Variants in LPP observed in about 807,000 individuals in gnomAD.
LPP encodes the protein LIM domain containing preferred translocation partner in lipoma, also known as lipoma-preferred partner.
Under a neutral mutation model 60.4 loss-of-function variants are expected in LPP, and 38 were observed. The ratio of observed to expected loss-of-function variants is 0.63; its 90% CI spans 0.49 to 0.83. LPP has a LOEUF of 0.83. Among genes scored for constraint, LPP ranks in the 40% least tolerant of loss-of-function variants. The pLI, the probability that LPP is intolerant of heterozygous loss-of-function variation, is 0.00. For missense variants in LPP, 902 were observed against 783.6 expected, an observed-to-expected ratio of 1.15 and a Z score of -1.80; for synonymous variants, 328 against 290.8, an observed-to-expected ratio of 1.13 and a Z score of -1.30.
At chr3:188,247,281 G>A (rs1316417951) in intron 2 of LPP, 1 of 525,046 alleles carries the variant, frequency 1.9e-6, no homozygotes, top group Non-Finnish European at 2.4e-6. Flanking sequence ...AAAACGCTGA[G>A]GCTATTTTTA....
Position 188,438,685 on chromosome 3 carries a change from T to C in LPP, c.193+32372T>C, listed in dbSNP as rs9864827. Among the ~76,000 whole-genome samples, 1,301 of 152,302 alleles carry C rather than the reference T, an allele frequency of 8.5e-3. 6 individuals carry two copies. The highest frequency in any genetic ancestry group is 0.014 in the Non-Finnish European group (957 of 68,030). On this transcript the variant is annotated intron_variant, in intron 4 of 11. Coordinates refer to ENST00000617246, the MANE Select transcript of LPP (RefSeq NM_001375462.1). ...CTTATTAGGCAGACCTAAGGTTTTT[T>C]ACACTTCCTGAGGCTATAGAACAGA... is the stretch of plus-strand genomic sequence containing the variant.
intron 7 of LPP, among the ~76,000 whole-genome samples, chr3:188,704,828 C>T (rs558980281): frequency 3.4e-4 from 52 of 152,164 alleles, no homozygotes; most frequent in African/African-American, 9.2e-4. Flanking sequence ...GACTTGTCCA[C>T]GTTCTTACCC....
At position 188,625,656 on chromosome 3, in the gene LPP, CT is replaced by C. The variant is rs1846701439; in HGVS notation, c.1113+15813del. Reference sequence around the variant, plus strand: ...CTTGAAATCATAGTTTCCAACTTTTCTGCCTATAGAATGCCCATTTCCAGTT... The same window carrying C: ...CTTGAAATCATAGTTTCCAACTTTTCGCCTATAGAATGCCCATTTCCAGTT... On this transcript the variant is annotated intron_variant, in intron 7 of 11. Coordinates refer to ENST00000617246, the MANE Select transcript of LPP (RefSeq NM_001375462.1). Among the ~76,000 whole-genome samples, 3 of 152,254 alleles carry C rather than the reference CT, an allele frequency of 2.0e-5. No homozygotes were observed. The South Asian group carries it at 6.2e-4, about 32-fold the overall frequency.
chr3:188,887,093 C>T lies in LPP; in HGVS notation c.*12614C>T, dbSNP rs775070838. On this transcript the variant is annotated 3_prime_UTR_variant, in exon 12 of 12. Coordinates refer to ENST00000617246, the MANE Select transcript of LPP (RefSeq NM_001375462.1). ...GTATGGTGCCTGCTGTGCTTTATCC[C>T]GAGGCATAGCAGTAATCGTTACTAT... The T allele has an allele frequency of 4.8e-5, 11 of 229,082 alleles. No homozygotes were observed. Among genetic ancestry groups the T allele is most frequent in the African/African-American group, 8.9e-5 (4 of 45,040 alleles). The allele number at this position is 229,082 out of a possible 1,614,324, so 14.2% of individuals were successfully genotyped here.
At chr3:188,344,619 T>A (rs139279971) in intron 3 of LPP, among the ~76,000 whole-genome samples, 1 of 152,348 alleles carries the variant, frequency 6.6e-6, no homozygotes, top group East Asian at 1.9e-4. Context: ...TGGTGCCATG[T>A]TTCCAAAATC....
intron 4 of LPP, among the ~76,000 whole-genome samples, chr3:188,482,865 TA>T (rs1250168354): frequency 6.6e-6 from 1 of 152,130 alleles, no homozygotes; most frequent in African/African-American, 2.4e-5. Flanking sequence ...CAGTGGTTAT[TA>T]AAGTGTGCTG....
chr3:188,577,744 T>TTCCTTCCTTC (rs1560587330), intron 6 of LPP, among the ~76,000 whole-genome samples: 2 of 41,428 alleles, frequency 4.8e-5, no homozygotes, highest in Non-Finnish European at 1.5e-4. Context: ...TTCCTTCCTT[T>TTCCTTCCTTC]GTTCCTTCGT....
At chr3:188,241,196 C>T (rs188775563) in intron 2 of LPP, among the ~76,000 whole-genome samples, 1 of 152,302 alleles carries the variant, frequency 6.6e-6, no homozygotes, top group African/African-American at 2.4e-5. Flanking sequence ...ATGGATAGAA[C>T]TACTGATATA....
chr3:188,655,341 A>G (rs112174420), intron 7 of LPP, among the ~76,000 whole-genome samples: 3 of 152,320 alleles, frequency 2.0e-5, no homozygotes, highest in African/African-American at 4.8e-5. Context: ...ATCAGGGTCA[A>G]GATGAGGGAA....
chr3:188,333,942 A>T (rs1760848239), intron 2 of LPP, among the ~76,000 whole-genome samples: 1 of 152,126 alleles, frequency 6.6e-6, no homozygotes, highest in Non-Finnish European at 1.5e-5. Flanking sequence ...AATTATAGTG[A>T]TTCTATAGTG....
rs754274436 is a variant in LPP at position 188,879,980 on chromosome 3, A to T, written c.*5501A>T. 6 of 177,482 alleles carry T rather than the reference A, an allele frequency of 3.4e-5. No individual in the cohort carries two copies. The highest frequency in any genetic ancestry group is 1.4e-4 in the African/African-American group (6 of 42,022). 11.0% of individuals were successfully genotyped at this position (177,482 alleles called of 1,614,324 possible). The stretch of plus-strand genomic sequence containing the variant: ...GGACTCTATCTTAGTTACAACATGC[A>T]TGTCCCTTATTTTGTGGAGAGCTGT... On this transcript the variant is annotated 3_prime_UTR_variant, in exon 12 of 12. Coordinates refer to ENST00000617246, the MANE Select transcript of LPP (RefSeq NM_001375462.1).
chr3:188,799,309 T>C (rs1483449617), intron 9 of LPP, among the ~76,000 whole-genome samples: 1 of 152,248 alleles, frequency 6.6e-6, no homozygotes, highest in Non-Finnish European at 1.5e-5. Flanking sequence ...TTTTAATACC[T>C]GTTTAACCTT....
intron 7 of LPP, among the ~76,000 whole-genome samples, chr3:188,688,019 A>G (rs564358506): frequency 6.1e-4 from 92 of 152,006 alleles, no homozygotes; most frequent in African/African-American, 2.1e-3. Context: ...TTTTTTTGAA[A>G]CACAATTCTT....
At chr3:188,694,711 T>TAAAAAAAAAAAAAAAAAAAAAAAAAAA (rs1273864312) in intron 7 of LPP, among the ~76,000 whole-genome samples, 1 of 149,802 alleles carries the variant, frequency 6.7e-6, no homozygotes, top group Non-Finnish European at 1.5e-5. Flanking sequence ...AAAAAAAAAA[T>TAAAAAAAAAAAAAAAAAAAAAAAAAAA]AAATAAAAAC....
chr3:188,407,788 G>GTTTTTTTTTTTTTTTTTT (rs869082030), intron 4 of LPP, among the ~76,000 whole-genome samples: 1 of 107,596 alleles, frequency 9.3e-6, no homozygotes, highest in African/African-American at 4.0e-5. Context: ...TTGTTTGTTT[G>GTTTTTTTTTTTTTTTTTT]TTTTTTTTTT....
intron 1 of LPP, among the ~76,000 whole-genome samples, chr3:188,199,059 C>G (rs1272696114): frequency 6.6e-6 from 1 of 152,106 alleles, no homozygotes; most frequent in Admixed American, 6.6e-5. Context: ...AGGCTGGGTG[C>G]TAGAGGGATA....
rs75842341 is a variant in LPP at position 188,582,585 on chromosome 3, G to C, written c.430-26576G>C. Among the ~76,000 whole-genome samples, 617 of 152,076 alleles carry C rather than the reference G, an allele frequency of 4.1e-3. 3 individuals are homozygous for C. The highest frequency in any genetic ancestry group is 0.014 in the African/African-American group (579 of 41,470). On this transcript the variant is annotated intron_variant, in intron 6 of 11. Transcript: ENST00000617246. ...GGTTAAGAGAGCCTTTAACTACTAT[G>C]GCCTCAACTATCAGCTCTACAATAT... is the stretch of plus-strand genomic sequence containing the variant.
intron 9 of LPP, among the ~76,000 whole-genome samples, chr3:188,863,955 T>TA (rs58464588): frequency 0.48 from 52,172 of 108,452 alleles, 11,037 homozygotes; most frequent in East Asian, 0.78. Context: ...CAGGGCTGAC[T>TA]AAAAAAAAAA....
At chr3:188,197,702 C>T (rs554366380) in intron 1 of LPP, among the ~76,000 whole-genome samples, 7 of 152,126 alleles carry the variant, frequency 4.6e-5, no homozygotes, top group Non-Finnish European at 7.4e-5. Flanking sequence ...GGGCTCCAGG[C>T]GGCACTGGAG....
Sources: gnomAD v4.1 joint callset for allele counts (sites outside exome capture counted in the v4.1 genomes callset) on GRCh38, gnomAD v4.1.1 for gene constraint, MANE v1.5 for transcripts, NCBI Gene and HGNC (gene_info 2026-07-23, HGNC 2026-07-21) for gene names.